MCM3: variants seen among roughly 807,000 people sequenced by gnomAD.
MCM3 encodes the protein minichromosome maintenance complex component 3.
A neutral mutation model predicts 91.3 loss-of-function variants in MCM3; 59 were observed. The ratio of observed to expected loss-of-function variants is 0.65; its 90% CI spans 0.52 to 0.80. The LOEUF is 0.80. Among genes scored for constraint, MCM3 ranks in the 30% least tolerant of loss-of-function variants. The pLI is 0.00. For synonymous variants in MCM3, 383 were observed against 379.6 expected, an observed-to-expected ratio of 1.01 and a Z score of -0.10; for missense variants, 919 against 1,035.4, an observed-to-expected ratio of 0.89 and a Z score of 1.54.
At position 52,276,465 on chromosome 6, in the gene MCM3, G is replaced by C. The variant is rs1373266069; in HGVS notation, c.1177C>G (p.Leu393Val). The change falls in exon 9 of 17, where the codon CTG becomes GTG. Residue 393 changes from leucine (L) to valine (V), a missense_variant. Physicochemically the swap from Leu to Val is conservative, Grantham distance 32. Transcript: ENST00000596288. ...GCCAGGACCATGGCCCCTGCTTCCA[G>C]ACGGCGCTCTCCTGGGAAGTGAGAA... ...TTDQETGERR[L>V]EAGAMVLADR... 6.2e-7 allele frequency: 1 copy of C among 1,614,098 alleles called. No homozygotes were observed. Among genetic ancestry groups the C allele is most frequent in the Admixed American group, 1.7e-5 (1 of 60,016 alleles).
Position 52,278,762 on chromosome 6 carries a change from A to G in MCM3, c.859T>C (p.Phe287Leu), listed in dbSNP as rs2307328. ...SAEDIAKIKK[F>L]SKTRSKDIFD... ...CAGACCTTGGATCGGGTTTTACTGA[A>G]CTTCTTGATCTTGGCTATATCCTCA... The change falls in exon 6 of 17, where the codon TTC becomes CTC. Residue 287 changes from phenylalanine (F) to leucine (L), a missense_variant. This residue lies in a region of MCM3 where 401 missense variants were observed against 402.7 expected (regional missense o/e 1.00). Transcript: ENST00000596288. The G allele has an allele frequency of 2.3e-3, 3,676 of 1,613,346 alleles. 58 individuals are homozygous for G. The African/African-American group carries it at 0.035, about 15-fold the overall frequency.
At position 52,276,434 on chromosome 6, in the gene MCM3, C is replaced by T. The variant is rs922241186; in HGVS notation, c.1208G>A (p.Arg403Gln). The change falls in exon 9 of 17, where the codon CGA (arginine) becomes CAA (glutamine). Residue 403 changes from arginine to glutamine, a missense_variant. Coordinates refer to ENST00000596288, the MANE Select transcript of MCM3 (RefSeq NM_002388.6). Reference sequence around the variant, plus strand: ...AAATTCATCAATGCAAACCACGCCTCGGTCAGCCAGGACCATGGCCCCTGC... The same window carrying T: ...AAATTCATCAATGCAAACCACGCCTTGGTCAGCCAGGACCATGGCCCCTGC... Reference protein sequence around the residue: ...LEAGAMVLADRGVVCIDEFDK... With the variant: ...LEAGAMVLADQGVVCIDEFDK... 1.9e-6 allele frequency: 3 copies of T among 1,614,198 alleles called. No homozygotes were observed. The highest frequency in any genetic ancestry group is 1.7e-6 in the Non-Finnish European group (2 of 1,180,034).
At chr6:52,274,364 T>C (rs550310570) in intron 9 of MCM3, among the ~76,000 whole-genome samples, 34 of 152,228 alleles carry the variant, frequency 2.2e-4, no homozygotes, top group African/African-American at 7.7e-4. Context: ...ACTAAAATGG[T>C]CAATGATCTA....
intron 2 of MCM3, 109 bp downstream of exon 2, chr6:52,283,185 T>C (rs1766292955): frequency 2.3e-6 from 2 of 886,860 alleles, no homozygotes; most frequent in Non-Finnish European, 3.6e-6. Flanking sequence ...CGAGGGCTTG[T>C]AGATCAATCC....
At position 52,283,295 on chromosome 6, in the gene MCM3, G is replaced by A. The variant is rs771936489; in HGVS notation, c.190C>T (p.Arg64Trp). The A allele has an allele frequency of 1.1e-5, 18 of 1,613,482 alleles. No individual in the cohort carries two copies. The highest frequency in any genetic ancestry group is 6.6e-5 in the South Asian group (6 of 91,068). ...CCAGTATATCCCCTTGCCTCTCACC[G>A]GTTAGCCCTCTTCTCGTTTTTCCTG... ...LRRKNEKRANRLLNNAFEELV... is the reference protein window; with the variant it reads ...LRRKNEKRANWLLNNAFEELV... The change falls in exon 2 of 17, where the codon CGG (arginine) becomes TGG (tryptophan). Residue 64 changes from arginine to tryptophan, a missense_variant and splice_region_variant. Arg to Trp is a moderately radical substitution (Grantham distance 101). Coordinates refer to ENST00000596288, the MANE Select transcript of MCM3 (RefSeq NM_002388.6).
chr6:52,269,312 C>T (rs528970020), intron 12 of MCM3, 86 bp from the exon 13 acceptor site: 1 of 1,381,372 alleles, frequency 7.2e-7, no homozygotes, highest in East Asian at 2.3e-5. Context: ...AATGACACTA[C>T]CAGAAAAGCC....
chr6:52,272,271 C>T (rs201741627), intron 12 of MCM3, 30 bp downstream of exon 12: 21 of 1,607,942 alleles, frequency 1.3e-5, no homozygotes, highest in Admixed American at 1.7e-5. Flanking sequence ...ACCTAAGGGA[C>T]CCCAAGCCTA....
chr6:52,275,774 T>C (rs948919971), intron 9 of MCM3, among the ~76,000 whole-genome samples: 3 of 152,134 alleles, frequency 2.0e-5, no homozygotes, highest in Admixed American at 6.5e-5. Context: ...CACAGACAAA[T>C]ATAAAAGATT....
intron 12 of MCM3, among the ~76,000 whole-genome samples, chr6:52,271,311 G>C (rs972373623): frequency 6.6e-5 from 10 of 151,578 alleles, no homozygotes; most frequent in Non-Finnish European, 8.8e-5. Flanking sequence ...TCTTTCTGCT[G>C]TAAAATCCTA....
In MCM3 at chr6:52,283,215, C is replaced by A; in HGVS notation, c.191+79G>T. 8 of 1,158,596 alleles carry A rather than the reference C, an allele frequency of 6.9e-6. No homozygotes were observed. The South Asian group carries it at 9.9e-5, about 14-fold the overall frequency. 71.8% of individuals were successfully genotyped at this position (1,158,596 alleles called of 1,614,324 possible). A position where few individuals can be genotyped will look rare whatever the true frequency, so the allele number is the denominator to read the frequency against. On this transcript the variant is annotated intron_variant, in intron 2 of 16. Transcript: ENST00000596288. ...CAATCCTGTTTCATACAAGTCCTCT[C>A]CTGAGAGGCTGTTCCAATCTGGCCA...
At chr6:52,284,455 C>G (rs1766460054) in intron 1 of MCM3, 142 bp downstream of exon 1, 1 of 677,454 alleles carries the variant, frequency 1.5e-6, no homozygotes, top group Non-Finnish European at 2.4e-6. Flanking sequence ...TGAGAAGTTA[C>G]AAGATTGGGG....
rs963795354 is a variant in MCM3, at chr6:52,277,639, T to C, written c.929A>G (p.His310Arg). The change falls in exon 7 of 17, where the codon CAT becomes CGT. Residue 310 changes from histidine (H) to arginine (R), a missense_variant. His to Arg is a conservative substitution (Grantham distance 29, BLOSUM62 0). Transcript: ENST00000596288. ...GAGGATTGCTTTCTTGACATAGTCA[T>C]GCCCATGGATACTTGGGGCCAATGA... Reference protein sequence around the residue: ...AKSLAPSIHGHDYVKKAILCL... With the variant: ...AKSLAPSIHGRDYVKKAILCL... 1.9e-6 allele frequency: 3 copies of C among 1,613,944 alleles called. No individual in the cohort carries two copies. The highest frequency in any genetic ancestry group is 1.7e-6 in the Non-Finnish European group (2 of 1,179,994).
Position 52,280,201 on chromosome 6 carries a change from G to A in MCM3, c.532-602C>T, listed in dbSNP as rs553532079. Among the ~76,000 whole-genome samples, 12 of 152,340 alleles carry A rather than the reference G, an allele frequency of 7.9e-5. No homozygotes were observed. In the South Asian group the frequency reaches 1.2e-3, roughly 16 times the overall value. On this transcript the variant is annotated intron_variant, in intron 4 of 16. Transcript: ENST00000596288. ...GATAGTGGTTACCCCTAGGTAACAT[G>A]AGCCCTCAAGAGGGACTTCTGTGTG... is the stretch of plus-strand genomic sequence containing the variant.
chr6:52,265,284 G>T, intron 16 of MCM3: 1 of 441,470 alleles, frequency 2.3e-6, no homozygotes, highest in South Asian at 1.6e-5. Flanking sequence ...CAAGCACAGT[G>T]GCTTATGCCT....
rs773960061 is a variant in MCM3 at position 52,279,403 on chromosome 6, C to T, written c.728G>A (p.Cys243Tyr). Residue 243 changes from cysteine to tyrosine, a missense_variant, in exon 5 of 17, where the codon TGC becomes TAC. Coordinates refer to ENST00000596288, the MANE Select transcript of MCM3 (RefSeq NM_002388.6). Reference sequence around the variant, plus strand: ...GTAGCCTCCCTTCTTTCCAGGAAGGCAACGGTAGGTTCCCACCACCTGAAC... The same window carrying T: ...GTAGCCTCCCTTCTTTCCAGGAAGGTAACGGTAGGTTCCCACCACCTGAAC... Reference protein sequence around the residue: ...DRVQVVGTYRCLPGKKGGYTS... With the variant: ...DRVQVVGTYRYLPGKKGGYTS... The T allele has an allele frequency of 6.2e-7, 1 of 1,614,158 alleles. No individual in the cohort carries two copies. The highest frequency in any genetic ancestry group is 8.5e-7 in the Non-Finnish European group (1 of 1,180,038).
intron 1 of MCM3, among the ~76,000 whole-genome samples, 179 bp downstream of exon 1, chr6:52,284,418 T>C (rs772596304): frequency 6.6e-6 from 1 of 152,214 alleles, no homozygotes; most frequent in South Asian, 2.1e-4. Flanking sequence ...AGTTCACTTA[T>C]CGAACACAAA....
chr6:52,273,424 A>G (rs1040414254), intron 10 of MCM3, 68 bp from the exon 11 acceptor site: 2 of 1,533,024 alleles, frequency 1.3e-6, no homozygotes, highest in African/African-American at 1.4e-5. Context: ...TGCTTCTTCT[A>G]TAGCACAAGA....
rs1424995416 is a variant in MCM3 at position 52,264,025 on chromosome 6, G to A, written c.*563C>T. ...CTATGACTATTAAGACCATGTGTACGAAATGGCTAAGTTTATTCAACATCT... is the reference window on the plus strand; with the variant it reads ...CTATGACTATTAAGACCATGTGTACAAAATGGCTAAGTTTATTCAACATCT... On this transcript the variant is annotated 3_prime_UTR_variant, in exon 17 of 17. Coordinates refer to ENST00000596288, the MANE Select transcript of MCM3 (RefSeq NM_002388.6). 8 of 156,598 alleles carry A rather than the reference G, an allele frequency of 5.1e-5. No homozygotes were observed. Among genetic ancestry groups the A allele is most frequent in the East Asian group, 3.8e-4 (2 of 5,282 alleles). 9.7% of individuals were successfully genotyped at this position (156,598 alleles called of 1,614,324 possible). A position where few individuals can be genotyped will look rare whatever the true frequency, so the allele number is the denominator to read the frequency against.
At chr6:52,268,286 T>C (rs1332767738) in intron 13 of MCM3, among the ~76,000 whole-genome samples, 1 of 152,212 alleles carries the variant, frequency 6.6e-6, no homozygotes, top group African/African-American at 2.4e-5. Flanking sequence ...ATCAGGTGTC[T>C]AATTGAAATC....
Sources: gnomAD v4.1 joint callset for allele counts (sites outside exome capture counted in the v4.1 genomes callset) on GRCh38, gnomAD v4.1.1 for gene constraint, gnomAD v4.1.1 regional missense constraint, MANE v1.5 for transcripts, NCBI Gene and HGNC (gene_info 2026-07-23, HGNC 2026-07-21) for gene names.